MEA1: variants seen among roughly 807,000 people sequenced by gnomAD.
MEA1 encodes the protein male-enhanced antigen 1.
In MEA1, 22 loss-of-function variants were observed where a neutral mutation model predicts 21.4. The ratio of observed to expected loss-of-function variants is 1.03; its 90% CI spans 0.73 to 1.47. The LOEUF (loss-of-function observed/expected upper bound fraction) is 1.47. Ranked by LOEUF, MEA1 falls within the 40% of genes most tolerant of loss-of-function variation. The probability of loss-of-function intolerance (pLI) is 0.00; values close to 1 mark genes in which losing one functional copy is unlikely to be tolerated. For synonymous variants in MEA1, 91 were observed against 85.5 expected, an observed-to-expected ratio of 1.06 and a Z score of -0.35; for missense variants, 233 against 230.5, an observed-to-expected ratio of 1.01 and a Z score of -0.07.
At chr6:43,014,232 G>T, upstream of MEA1, 1 of 1,157,946 alleles carries the variant, frequency 8.6e-7, no homozygotes. Flanking sequence ...CCCGCCGGAA[G>T]AACCGAGCTT....
At chr6:43,016,391 C>T (rs906383521), upstream of MEA1, 2 of 152,282 alleles carry the variant, frequency 1.3e-5, no homozygotes, top group East Asian at 3.8e-4. Flanking sequence ...CCCTCTATCA[C>T]CATCCCCCAA....
At chr6:43,013,750 C>G (rs781037245) in intron 1 of MEA1, 36 bp downstream of exon 1, 1 of 1,569,370 alleles carries the variant, frequency 6.4e-7, no homozygotes, top group African/African-American at 1.4e-5. Context: ...GCGTACCCGC[C>G]CCCTTCTCCC....
At position 43,011,293 on chromosome 6, in the gene MEA1, A is replaced by G. The variant is rs763047700; in HGVS notation, c.*1177T>C. 1.9e-6 allele frequency: 3 copies of G among 1,613,608 alleles called. No individual in the cohort carries two copies. Among genetic ancestry groups the G allele is most frequent in the Non-Finnish European group, 1.7e-6 (2 of 1,179,960 alleles). On this transcript the variant is annotated 3_prime_UTR_variant, in exon 4 of 4. Coordinates refer to ENST00000244711, the MANE Select transcript of MEA1 (RefSeq NM_014623.4). ...CAGCCAGGAGGCTCTCTGACCCCTC[A>G]CGTTCCTACCACAGGGCCACAGCCC...
At position 43,012,315 on chromosome 6, in the gene MEA1, A is replaced by C; in HGVS notation, c.*155T>G. On this transcript the variant is annotated 3_prime_UTR_variant, in exon 4 of 4. Coordinates refer to ENST00000244711, the MANE Select transcript of MEA1 (RefSeq NM_014623.4). ...CTTGGACCGATGTCCCCATATGTAC[A>C]GAACTGAATAAAGTGGGTCTCTGAG... 6.9e-7 allele frequency: 1 copy of C among 1,454,130 alleles called. No homozygotes were observed. Among genetic ancestry groups the C allele is most frequent in the Non-Finnish European group, 9.1e-7 (1 of 1,104,354 alleles). The allele number at this position is 1,454,130 out of a possible 1,614,324, so 90.1% of individuals were successfully genotyped here. A position where few individuals can be genotyped will look rare whatever the true frequency, so the allele number is the denominator to read the frequency against.
chr6:43,011,344 C>T lies in MEA1; in HGVS notation c.*1126G>A. On this transcript the variant is annotated 3_prime_UTR_variant, in exon 4 of 4. Coordinates refer to ENST00000244711, the MANE Select transcript of MEA1 (RefSeq NM_014623.4). ...ACACAGCCCTGGGACACTGCCCTGGCCCTCCATACTCTGCTCCCTACTGGC... is the reference window on the plus strand; with the variant it reads ...ACACAGCCCTGGGACACTGCCCTGGTCCTCCATACTCTGCTCCCTACTGGC... 2.5e-6 allele frequency: 4 copies of T among 1,604,778 alleles called. No homozygotes were observed. Among genetic ancestry groups the T allele is most frequent in the Non-Finnish European group, 3.4e-6 (4 of 1,174,976 alleles).
At chr6:43,013,436 C>T (rs566799633) in intron 1 of MEA1, 47 bp from the exon 2 acceptor site, 3 of 1,587,314 alleles carry the variant, frequency 1.9e-6, no homozygotes, top group East Asian at 2.2e-5. Flanking sequence ...TGAAACCAGG[C>T]CCATCTTCAT....
Position 43,013,171 on chromosome 6 carries a change from C to T in MEA1, c.247G>A (p.Glu83Lys). 6.2e-7 allele frequency: 1 copy of T among 1,614,182 alleles called. No homozygotes were observed. The highest frequency in any genetic ancestry group is 8.5e-7 in the Non-Finnish European group (1 of 1,180,020). ...LNQDPEQEEV[E>K]LAPVGDGDVV... ...TCTCCATCCCCCACTGGTGCCAGTT[C>T]CACCTCCTCTTGTTCAGGATCTTGG... The change falls in exon 2 of 4, where the codon GAA becomes AAA. Residue 83 changes from glutamate (E) to lysine (K), a missense_variant. Glu to Lys is a moderately conservative substitution (Grantham distance 56). Transcript: ENST00000244711.
chr6:43,016,090 C>A (rs867602239), upstream of MEA1, among the ~76,000 whole-genome samples: 1 of 151,840 alleles, frequency 6.6e-6, no homozygotes, highest in Non-Finnish European at 1.5e-5. Flanking sequence ...TGCGCGCCAC[C>A]GTGCCCAGCT....
Position 43,012,641 on chromosome 6 carries a change from C to A in MEA1, c.407-20G>T. On this transcript the variant is annotated intron_variant, in intron 3 of 3. Transcript: ENST00000244711. Reference sequence around the variant, plus strand: ...CATGTTCTGAAATCAGAGCCAGAGGCCATTCAGGCATAGAAATAATGGGAC... The same window carrying A: ...CATGTTCTGAAATCAGAGCCAGAGGACATTCAGGCATAGAAATAATGGGAC... 6.3e-7 allele frequency: 1 copy of A among 1,583,136 alleles called. No homozygotes were observed. Among genetic ancestry groups the A allele is most frequent in the East Asian group, 2.2e-5 (1 of 44,526 alleles).
chr6:43,014,283 G>A (rs1762500886), upstream of MEA1: 1 of 772,518 alleles, frequency 1.3e-6, no homozygotes, highest in Non-Finnish European at 2.0e-6. Context: ...GTCGGTTGGC[G>A]CGCAACGGGT....
chr6:43,012,568 C>G lies in MEA1; in HGVS notation c.460G>C (p.Gly154Arg). The G allele has an allele frequency of 1.2e-6, 2 of 1,612,298 alleles. No homozygotes were observed. Among genetic ancestry groups the G allele is most frequent in the Non-Finnish European group, 1.7e-6 (2 of 1,179,268 alleles). The stretch of plus-strand genomic sequence containing the variant: ...ATCTCCCGAGCCCAGGCAGGAACCC[C>G]TGGCGCAGGCAGGCTTACTCCAGCC... ...TMAGVSLPAP[G>R]VPAWAREISD... The change falls in exon 4 of 4, where the codon GGG becomes CGG. Residue 154 changes from glycine to arginine, a missense_variant. Transcript: ENST00000244711.
At chr6:43,014,312 C>T, upstream of MEA1, 1 of 651,420 alleles carries the variant, frequency 1.5e-6, no homozygotes, top group Non-Finnish European at 2.6e-6. Flanking sequence ...GCAGGCAGCT[C>T]GAGGACCCGC....
At position 43,012,166 on chromosome 6, in the gene MEA1, T is replaced by A. The variant is rs1165667772; in HGVS notation, c.*304A>T. 2.8e-6 allele frequency: 3 copies of A among 1,087,686 alleles called. No individual in the cohort carries two copies. Among genetic ancestry groups the A allele is most frequent in the South Asian group, 4.3e-5 (1 of 23,224 alleles). The allele number at this position is 1,087,686 out of a possible 1,614,324, so 67.4% of individuals were successfully genotyped here. A position where few individuals can be genotyped will look rare whatever the true frequency, so the allele number is the denominator to read the frequency against. On this transcript the variant is annotated 3_prime_UTR_variant, in exon 4 of 4. Transcript: ENST00000244711. ...CCTTCTCTTGTCCCTTATAGGTACC[T>A]TGGAGGGGCCAGGGGCTGAGGAAGG...
rs138162759 is a variant in MEA1 at position 43,011,208 on chromosome 6, G to A, written c.*1262C>T. On this transcript the variant is annotated 3_prime_UTR_variant, in exon 4 of 4. Coordinates refer to ENST00000244711, the MANE Select transcript of MEA1 (RefSeq NM_014623.4). ...TGCGGAGGAAGTCGGAGCTGCCCCAGGACGTGTACACCATCAAGGCACTGG... is the reference window on the plus strand; with the variant it reads ...TGCGGAGGAAGTCGGAGCTGCCCCAAGACGTGTACACCATCAAGGCACTGG... The A allele has an allele frequency of 1.2e-6, 2 of 1,614,148 alleles. No individual in the cohort carries two copies. The highest frequency in any genetic ancestry group is 2.7e-5 in the African/African-American group (2 of 75,024).
upstream of MEA1, chr6:43,014,738 C>T: frequency 2.6e-6 from 1 of 391,034 alleles, no homozygotes; most frequent in South Asian, 1.8e-5. Flanking sequence ...TTTTTCTTTC[C>T]TTAGTGGAGG....
rs113749803 is a variant in MEA1, at chr6:43,012,925, C to T, written c.406+1G>A. 3.1e-6 allele frequency: 5 copies of T among 1,612,432 alleles called. No homozygotes were observed. The highest frequency in any genetic ancestry group is 1.1e-5 in the South Asian group (1 of 91,038). ...TCCAGAATGAAAGAATGATCTTTTA[C>T]CTGGGTCCATGGGAATAGAGCTGTG... On this transcript the variant is annotated splice_donor_variant, in intron 3 of 3. Coordinates refer to ENST00000244711, the MANE Select transcript of MEA1 (RefSeq NM_014623.4). LOFTEE classifies it high-confidence loss of function.
rs41274904 is a variant in MEA1, at chr6:43,011,551, T to C, written c.*919A>G. ...AGACAACCTGGGGATGCCTGTCCCCTACCTGCTCCTCACCCACAGCTACCT... is the reference window on the plus strand; with the variant it reads ...AGACAACCTGGGGATGCCTGTCCCCCACCTGCTCCTCACCCACAGCTACCT... On this transcript the variant is annotated 3_prime_UTR_variant, in exon 4 of 4. Coordinates refer to ENST00000244711, the MANE Select transcript of MEA1 (RefSeq NM_014623.4). The C allele has an allele frequency of 3.9e-3, 2,042 of 518,854 alleles. 14 individuals carry two copies. Among genetic ancestry groups the C allele is most frequent in the Non-Finnish European group, 3.9e-3 (1,130 of 288,072 alleles). The allele number at this position is 518,854 out of a possible 1,614,324, so 32.1% of individuals were successfully genotyped here.
chr6:43,011,503 G>A lies in MEA1; in HGVS notation c.*967C>T. ...TGCCTCCCTGTGGCTAGTACAGGCT[G>A]AGCACTAAGATGCTTAGTGCTCAGA... On this transcript the variant is annotated 3_prime_UTR_variant, in exon 4 of 4. Coordinates refer to ENST00000244711, the MANE Select transcript of MEA1 (RefSeq NM_014623.4). 1 of 621,540 alleles carries A rather than the reference G, an allele frequency of 1.6e-6. No homozygotes were observed. Among genetic ancestry groups the A allele is most frequent in the Non-Finnish European group, 2.8e-6 (1 of 362,422 alleles). The allele number at this position is 621,540 out of a possible 1,614,324, so 38.5% of individuals were successfully genotyped here. A position where few individuals can be genotyped will look rare whatever the true frequency, so the allele number is the denominator to read the frequency against.
chr6:43,013,760 C>A, intron 1 of MEA1, 26 bp downstream of exon 1: 1 of 1,591,390 alleles, frequency 6.3e-7, no homozygotes, highest in South Asian at 1.1e-5. Context: ...CCCCTTCTCC[C>A]CTCTCCTAGA....
Sources: allele counts gnomAD v4.1 joint callset (sites outside exome capture counted in the v4.1 genomes callset), GRCh38; gene constraint gnomAD v4.1.1; transcripts MANE v1.5; gene names NCBI Gene and HGNC (gene_info 2026-07-23, HGNC 2026-07-21).